SDHAF3: variants seen among roughly 807,000 people sequenced by gnomAD.
SDHAF3 encodes succinate dehydrogenase assembly factor 3, mitochondrial.
Under a neutral mutation model 11.5 loss-of-function variants are expected in SDHAF3, and 18 were observed. The observed-to-expected ratio is 1.56, with a 90% confidence interval of 1.08 to 2.32. The LOEUF is 2.32. SDHAF3 is among the 30% of genes most tolerant of loss of function. The pLI, the probability that SDHAF3 is intolerant of heterozygous loss-of-function variation, is 0.00. For synonymous variants in SDHAF3, 72 were observed against 59.3 expected, an observed-to-expected ratio of 1.21 and a Z score of -0.99; for missense variants, 200 against 154.4, an observed-to-expected ratio of 1.30 and a Z score of -1.57.
intron 1 of SDHAF3, among the ~76,000 whole-genome samples, chr7:97,138,083 C>T (rs529979001): frequency 3.0e-4 from 46 of 151,866 alleles, no homozygotes; most frequent in Non-Finnish European, 5.4e-4. Flanking sequence ...TAGTCTCGAA[C>T]TCCTGACCTC....
In SDHAF3 at chr7:97,117,738, C is replaced by G; in HGVS notation, c.15C>G (p.His5Gln). 1 of 1,613,212 alleles carries G rather than the reference C, an allele frequency of 6.2e-7. No individual in the cohort carries two copies. Among genetic ancestry groups the G allele is most frequent in the Middle Eastern group, 1.7e-4 (1 of 6,052 alleles). ...CGTGGGGCGCTATGCCGGGGCGGCA[C>G]GTTTCTCGAGTCCGGGCATTGTACA... MPGR[H>Q]VSRVRALYKR... is the part of the protein sequence containing the mutation. The change falls in exon 1 of 2, where the codon CAC becomes CAG. Residue 5 changes from histidine to glutamine, a missense_variant. Coordinates refer to ENST00000432641, the MANE Select transcript of SDHAF3 (RefSeq NM_020186.3).
At chr7:97,126,199 A>G (rs1791575279) in intron 1 of SDHAF3, among the ~76,000 whole-genome samples, 1 of 152,178 alleles carries the variant, frequency 6.6e-6, no homozygotes, top group African/African-American at 2.4e-5. Context: ...CACCAGCCTG[A>G]TGCCAGCCAG....
chr7:97,138,857 C>A (rs966306531), intron 1 of SDHAF3, among the ~76,000 whole-genome samples: 15 of 152,222 alleles, frequency 9.9e-5, no homozygotes, highest in Admixed American at 3.9e-4. Context: ...CCCATCTGGT[C>A]CCTGCTTGTG....
At chr7:97,119,789 G>A (rs144746285) in intron 1 of SDHAF3, among the ~76,000 whole-genome samples, 1 of 152,154 alleles carries the variant, frequency 6.6e-6, no homozygotes. Flanking sequence ...GTACTAGTCT[G>A]TTACTTTGTG....
intron 1 of SDHAF3, among the ~76,000 whole-genome samples, chr7:97,149,376 GC>G (rs539302419): frequency 8.0e-4 from 122 of 152,048 alleles, no homozygotes; most frequent in South Asian, 1.9e-3. Flanking sequence ...GCTTACTGGT[GC>G]CAGAAGGGTT....
At chr7:97,165,357 C>CCT (rs1554354332) in intron 1 of SDHAF3, among the ~76,000 whole-genome samples, 7 of 77,024 alleles carry the variant, frequency 9.1e-5, no homozygotes, top group Non-Finnish European at 1.4e-4. Flanking sequence ...ATTTTCCTAC[C>CCT]TTTTTTTTTT....
intron 1 of SDHAF3, among the ~76,000 whole-genome samples, chr7:97,172,852 G>T (rs1453137866): frequency 6.6e-6 from 1 of 152,150 alleles, no homozygotes; most frequent in African/African-American, 2.4e-5. Context: ...AATATTTCTA[G>T]AAACAGAAGA....
chr7:97,120,018 C>G (rs1050958534), intron 1 of SDHAF3, among the ~76,000 whole-genome samples: 1 of 152,232 alleles, frequency 6.6e-6, no homozygotes, highest in East Asian at 1.9e-4. Context: ...TGTAAACTTA[C>G]TATTTTCTCT....
chr7:97,117,797 C>T lies in SDHAF3; in HGVS notation c.74C>T (p.Pro25Leu), dbSNP rs771013598. Residue 25 changes from proline (P) to leucine (L), a missense_variant, in exon 1 of 2, where the codon CCG (proline) becomes CTG (leucine). Coordinates refer to ENST00000432641, the MANE Select transcript of SDHAF3 (RefSeq NM_020186.3). ...TTGCAGCTGCACCGTGTTCTGCCCC[C>T]GGACCTCAAATCCCTGGGCGACCAG... is the stretch of plus-strand genomic sequence containing the variant. ...RVLQLHRVLP[P>L]DLKSLGDQYV... The T allele has an allele frequency of 4.3e-6, 7 of 1,614,246 alleles. No homozygotes were observed. The highest frequency in any genetic ancestry group is 3.3e-5 in the South Asian group (3 of 91,090).
At chr7:97,159,303 C>A (rs73708876) in intron 1 of SDHAF3, among the ~76,000 whole-genome samples, 1,860 of 152,314 alleles carry the variant, frequency 0.012, 36 homozygotes, top group African/African-American at 0.042. Flanking sequence ...ACATTTTAGA[C>A]TTGTAGCCAT....
Position 97,117,885 on chromosome 7 carries a change from G to A in SDHAF3, c.162G>A (p.Leu54=). 1 of 1,614,096 alleles carries A rather than the reference G, an allele frequency of 6.2e-7. No homozygotes were observed. The highest frequency in any genetic ancestry group is 1.1e-5 in the South Asian group (1 of 91,084). ...TVGSDEAQRF[L]QEWEVYATAL... is the part of the protein sequence containing the mutation. ...GTTCTGACGAGGCACAGCGTTTCTT[G>A]CAAGAATGGGAGGCAAGTGACGCTC... The change falls in exon 1 of 2, where the codon TTG becomes TTA. Residue 54 remains leucine, a synonymous_variant. Coordinates refer to ENST00000432641, the MANE Select transcript of SDHAF3 (RefSeq NM_020186.3).
At chr7:97,173,949 CTT>C (rs1329994740) in intron 1 of SDHAF3, among the ~76,000 whole-genome samples, 1 of 146,928 alleles carries the variant, frequency 6.8e-6, no homozygotes, top group Non-Finnish European at 1.5e-5. Context: ...AAGACAGAGT[CTT>C]GCTGTGTCAC....
At chr7:97,139,516 A>G (rs1049619233) in intron 1 of SDHAF3, among the ~76,000 whole-genome samples, 1 of 152,242 alleles carries the variant, frequency 6.6e-6, no homozygotes, top group Non-Finnish European at 1.5e-5. Context: ...AGGATCAATC[A>G]GAGGAAAGAG....
intron 1 of SDHAF3, among the ~76,000 whole-genome samples, chr7:97,130,189 T>C (rs1791645473): frequency 6.6e-6 from 1 of 151,808 alleles, no homozygotes; most frequent in Admixed American, 6.6e-5. Flanking sequence ...GGAGAATTGC[T>C]TGAATCCTGG....
rs145544623 is a variant in SDHAF3 at position 97,146,879 on chromosome 7, C to T, written c.174+28982C>T. 1.3e-4 allele frequency among the ~76,000 whole-genome samples: 20 copies of T among 151,698 alleles called. No individual in the cohort carries two copies. The East Asian group carries it at 3.1e-3, about 24-fold the overall frequency. On this transcript the variant is annotated intron_variant, in intron 1 of 1. Coordinates refer to ENST00000432641, the MANE Select transcript of SDHAF3 (RefSeq NM_020186.3). ...TGGGCTCACTGCAAACTCCACCTCCCGGGTTGATGCCATTCTCACGCCTGG... is the reference window on the plus strand; with the variant it reads ...TGGGCTCACTGCAAACTCCACCTCCTGGGTTGATGCCATTCTCACGCCTGG...
At chr7:97,128,237 G>T (rs1249159109) in intron 1 of SDHAF3, among the ~76,000 whole-genome samples, 1 of 152,136 alleles carries the variant, frequency 6.6e-6, no homozygotes, top group Non-Finnish European at 1.5e-5. Flanking sequence ...TACAAGAGAA[G>T]ATACAAAACA....
intron 1 of SDHAF3, among the ~76,000 whole-genome samples, chr7:97,157,665 T>C (rs893080796): frequency 6.6e-6 from 1 of 152,054 alleles, no homozygotes; most frequent in African/African-American, 2.4e-5. Context: ...GACACATGCA[T>C]ACGTATGTTT....
At chr7:97,118,855 A>G (rs1023008547) in intron 1 of SDHAF3, among the ~76,000 whole-genome samples, 2 of 152,168 alleles carry the variant, frequency 1.3e-5, no homozygotes, top group Non-Finnish European at 2.9e-5. Flanking sequence ...TTTTTTGTAT[A>G]ATTATTGAAG....
At chr7:97,167,741 T>TG (rs1403517980) in intron 1 of SDHAF3, among the ~76,000 whole-genome samples, 1 of 151,836 alleles carries the variant, frequency 6.6e-6, no homozygotes, top group African/African-American at 2.4e-5. Flanking sequence ...TTGCACTGGG[T>TG]GGGGGGCCCA....
Sources: gnomAD v4.1 joint callset for allele counts (sites outside exome capture counted in the v4.1 genomes callset) on GRCh38, gnomAD v4.1.1 for gene constraint, MANE v1.5 for transcripts, NCBI Gene and HGNC (gene_info 2026-07-23, HGNC 2026-07-21) for gene names.